The following CDCA7L variants were observed in gnomAD, a reference collection of about 807,000 sequenced individuals.
CDCA7L encodes cell division cycle-associated 7-like protein.
Under a neutral mutation model 57.4 loss-of-function variants are expected in CDCA7L, and 44 were observed. The ratio of observed to expected loss-of-function variants is 0.77; its 90% CI spans 0.60 to 0.98. The LOEUF is 0.98. CDCA7L is among the 50% of genes least tolerant of loss of function. The pLI is 0.00. For missense variants in CDCA7L, 644 were observed against 580.6 expected (o/e 1.11, Z -1.12); for synonymous variants, 236 against 202.8 (o/e 1.16, Z -1.39).
intron 1 of CDCA7L, among the ~76,000 whole-genome samples, chr7:21,926,542 A>G (rs896692527): frequency 6.6e-6 from 1 of 152,176 alleles, no homozygotes; most frequent in Non-Finnish European, 1.5e-5. Flanking sequence ...ATAAAAATAC[A>G]CACATCAGTG....
intron 7 of CDCA7L, among the ~76,000 whole-genome samples, chr7:21,905,291 C>T (rs1222149804): frequency 5.3e-5 from 8 of 152,132 alleles, no homozygotes; most frequent in African/African-American, 7.2e-5. Flanking sequence ...CCAGATTCTA[C>T]GCATCCCTAA....
At chr7:21,925,202 C>G (rs1044768845) in intron 1 of CDCA7L, among the ~76,000 whole-genome samples, 3 of 152,144 alleles carry the variant, frequency 2.0e-5, no homozygotes, top group African/African-American at 7.2e-5. Flanking sequence ...CATGGCCACA[C>G]AGACAAAATG....
intron 1 of CDCA7L, among the ~76,000 whole-genome samples, chr7:21,924,345 T>C (rs1202579149): frequency 2.0e-5 from 3 of 152,128 alleles, no homozygotes; most frequent in Admixed American, 6.5e-5. Context: ...ACAAAAGATA[T>C]TTATGCACAC....
Position 21,906,752 on chromosome 7 carries a change from A to G in CDCA7L, c.682-113T>C, listed in dbSNP as rs1185938296. 6.9e-5 allele frequency: 63 copies of G among 918,428 alleles called. No individual in the cohort carries two copies. In the Admixed American group the frequency reaches 1.3e-3, roughly 18 times the overall value. 56.9% of individuals were successfully genotyped at this position (918,428 alleles called of 1,614,324 possible). A position where few individuals can be genotyped will look rare whatever the true frequency, so the allele number is the denominator to read the frequency against. ...CCACCATAAGAAACCTAACTTGAAT[A>G]GTTTATATAACCCACAACAGTTATA... On this transcript the variant is annotated intron_variant, in intron 4 of 9. Coordinates refer to ENST00000406877, the MANE Select transcript of CDCA7L (RefSeq NM_018719.5).
chr7:21,912,668 C>T (rs997660997), intron 2 of CDCA7L, among the ~76,000 whole-genome samples: 1 of 152,156 alleles, frequency 6.6e-6, no homozygotes, highest in African/African-American at 2.4e-5. Flanking sequence ...CAGCCCCCAC[C>T]GCCCACCACC....
chr7:21,931,456 T>G (rs1786013464), intron 1 of CDCA7L, among the ~76,000 whole-genome samples: 1 of 152,226 alleles, frequency 6.6e-6, no homozygotes. Flanking sequence ...ATCCCTGGGA[T>G]GCAAGGCTGG....
intron 2 of CDCA7L, among the ~76,000 whole-genome samples, chr7:21,915,189 G>C (rs1562626670): frequency 6.6e-6 from 1 of 152,106 alleles, no homozygotes; most frequent in Non-Finnish European, 1.5e-5. Context: ...TCAACTCCTG[G>C]ACGGGAGTCA....
chr7:21,943,019 G>C (rs1786390198), intron 1 of CDCA7L, among the ~76,000 whole-genome samples: 1 of 152,196 alleles, frequency 6.6e-6, no homozygotes, highest in Middle Eastern at 3.2e-3. Context: ...TCTGGAGCTA[G>C]AACAGAGTAC....
intron 1 of CDCA7L, among the ~76,000 whole-genome samples, chr7:21,926,625 A>G (rs1270530860): frequency 2.6e-5 from 4 of 152,092 alleles, no homozygotes; most frequent in Admixed American, 1.3e-4. Context: ...TAATCCAAGC[A>G]TTTTGGAAGG....
At chr7:21,925,497 TTAAA>T (rs772529980) in intron 1 of CDCA7L, among the ~76,000 whole-genome samples, 21 of 152,080 alleles carry the variant, frequency 1.4e-4, no homozygotes, top group Non-Finnish European at 2.5e-4. Context: ...TTTTAAAAAA[TTAAA>T]TACAGTGCAA....
intron 7 of CDCA7L, among the ~76,000 whole-genome samples, 161 bp from the exon 8 acceptor site, chr7:21,904,420 G>A (rs557082466): frequency 7.2e-5 from 11 of 152,232 alleles, no homozygotes; most frequent in South Asian, 4.1e-4. Flanking sequence ...TCTCTAGACC[G>A]GGGTCCCCAG....
At position 21,901,443 on chromosome 7, in the gene CDCA7L, C is replaced by T. The variant is rs62445901; in HGVS notation, c.*879G>A. 7 of 707,316 alleles carry T rather than the reference C, an allele frequency of 9.9e-6. No homozygotes were observed. The highest frequency in any genetic ancestry group is 1.4e-5 in the Non-Finnish European group (7 of 504,258). 43.8% of individuals were successfully genotyped at this position (707,316 alleles called of 1,614,324 possible). ...ACTAACTCAGGGCTGAGCGTGGTGG[C>T]ACACGACTGTAATCCCAGTTACTCA... is the stretch of plus-strand genomic sequence containing the variant. On this transcript the variant is annotated 3_prime_UTR_variant, in exon 10 of 10. Transcript: ENST00000406877.
At chr7:21,940,350 A>G (rs1786301401) in intron 1 of CDCA7L, 1 of 969,690 alleles carries the variant, frequency 1.0e-6, no homozygotes, top group Non-Finnish European at 1.2e-6. Context: ...AATGTTAATT[A>G]AAAGAGTATA....
In CDCA7L at chr7:21,900,949, A is replaced by T; in HGVS notation, c.*1373T>A. The T allele has an allele frequency of 6.7e-7, 1 of 1,502,292 alleles. No homozygotes were observed. The highest frequency in any genetic ancestry group is 8.9e-7 in the Non-Finnish European group (1 of 1,126,884). 93.1% of individuals were successfully genotyped at this position (1,502,292 alleles called of 1,614,324 possible). On this transcript the variant is annotated 3_prime_UTR_variant, in exon 10 of 10. Coordinates refer to ENST00000406877, the MANE Select transcript of CDCA7L (RefSeq NM_018719.5). ...TTTATTGCATCAAACAACTTACTTGATCATTATCATTAGTAGCAAGCTGCC... is the reference window on the plus strand; with the variant it reads ...TTTATTGCATCAAACAACTTACTTGTTCATTATCATTAGTAGCAAGCTGCC...
At chr7:21,908,604 CATGAAAA>C in intron 3 of CDCA7L, 97 bp from the exon 4 acceptor site, 2 of 1,292,742 alleles carry the variant, frequency 1.5e-6, no homozygotes, top group Non-Finnish European at 2.1e-6. Flanking sequence ...TGAGAAAAAA[CATGAAAA>C]ATGAAAAGCT....
intron 8 of CDCA7L, 115 bp downstream of exon 8, chr7:21,903,995 G>T: frequency 1.0e-6 from 1 of 999,552 alleles, no homozygotes; most frequent in Non-Finnish European, 1.4e-6. Flanking sequence ...CAAATGGAAG[G>T]GAAAAACCAG....
Position 21,901,367 on chromosome 7 carries a change from TTC to T in CDCA7L, c.*953_*954del. ...AACTTTTTAGTAACTCACACGTGCA[TTC>T]TTTTTTCAACGCTATCCTTAGAGTG... On this transcript the variant is annotated 3_prime_UTR_variant, in exon 10 of 10. Transcript: ENST00000406877. 7.3e-7 allele frequency: 1 copy of T among 1,362,978 alleles called. No individual in the cohort carries two copies. The highest frequency in any genetic ancestry group is 2.1e-5 in the South Asian group (1 of 48,550). The allele number at this position is 1,362,978 out of a possible 1,614,324, so 84.4% of individuals were successfully genotyped here.
Position 21,902,924 on chromosome 7 carries a change from G to A in CDCA7L, c.1334+54C>T, listed in dbSNP as rs766665476. ...CAACTACTTGCCCAGAGGGTCTCCT[G>A]TGCTCAGCCTCAAGATTTCAAGCTG... On this transcript the variant is annotated intron_variant, in intron 9 of 9. Transcript: ENST00000406877. The A allele has an allele frequency of 1.8e-5, 28 of 1,579,254 alleles. 1 individual carries two copies. The South Asian group carries it at 3.0e-4, about 17-fold the overall frequency.
At chr7:21,928,507 A>T (rs2128066373) in intron 1 of CDCA7L, among the ~76,000 whole-genome samples, 1 of 152,174 alleles carries the variant, frequency 6.6e-6, no homozygotes, top group South Asian at 2.1e-4. Context: ...AACTCCTCCG[A>T]GCTAAAGAAG....
Sources: allele counts gnomAD v4.1 joint callset (sites outside exome capture counted in the v4.1 genomes callset), GRCh38; gene constraint gnomAD v4.1.1; transcripts MANE v1.5; gene names NCBI Gene and HGNC (gene_info 2026-07-23, HGNC 2026-07-21).